AGBL4: variants seen among roughly 807,000 people sequenced by gnomAD.
AGBL4 encodes the protein cytosolic carboxypeptidase 6.
In AGBL4, 58 loss-of-function variants were observed where a neutral mutation model predicts 66.4. The ratio of observed to expected loss-of-function variants is 0.87; its 90% confidence interval spans 0.71 to 1.09. AGBL4 has a LOEUF of 1.09. AGBL4 is among the 50% of genes least tolerant of loss of function. The probability of loss-of-function intolerance (pLI) is 0.00; values close to 1 mark genes in which losing one functional copy is unlikely to be tolerated. For missense variants in AGBL4, 579 were observed against 631.0 expected (o/e 0.92, Z 0.88); for synonymous variants, 234 against 222.9 (o/e 1.05, Z -0.44).
rs1553192294 is a variant in AGBL4 at position 48,591,094 on chromosome 1, C to CA, written c.952-110_952-109insT. The CA allele has an allele frequency of 7.0e-5, 53 of 752,346 alleles. 1 individual carries two copies. Among genetic ancestry groups the CA allele is most frequent in the Non-Finnish European group, 1.0e-4 (51 of 498,526 alleles). The allele number at this position is 752,346 out of a possible 1,614,324, so 46.6% of individuals were successfully genotyped here. On this transcript the variant is annotated intron_variant, in intron 9 of 13. Transcript: ENST00000371839. ...ACCCCCCACACACACCCACCCACCCCCCCCCACACACACACACACATCAAG... is the reference window on the plus strand; with the variant it reads ...ACCCCCCACACACACCCACCCACCCCACCCCCACACACACACACACATCAAG...
At chr1:49,415,206 T>C (rs1412611022) in intron 3 of AGBL4, among the ~76,000 whole-genome samples, 1 of 152,152 alleles carries the variant, frequency 6.6e-6, no homozygotes, top group Non-Finnish European at 1.5e-5. Context: ...GACACTATGC[T>C]GATTAGAATT....
intron 1 of AGBL4, among the ~76,000 whole-genome samples, chr1:50,003,007 A>T (rs762759143): frequency 2.4e-4 from 37 of 152,362 alleles, no homozygotes; most frequent in Middle Eastern, 3.4e-3. Flanking sequence ...GGCCAAAGGA[A>T]GCTAACGTGG....
intron 9 of AGBL4, among the ~76,000 whole-genome samples, chr1:48,597,192 T>TA (rs1397827499): frequency 6.6e-6 from 1 of 151,928 alleles, no homozygotes; most frequent in Non-Finnish European, 1.5e-5. Flanking sequence ...CTCACAGATT[T>TA]AAAAAAAATA....
intron 1 of AGBL4, among the ~76,000 whole-genome samples, chr1:50,012,132 A>G (rs987525170): frequency 1.3e-5 from 2 of 150,748 alleles, no homozygotes; most frequent in Admixed American, 6.6e-5. Context: ...GCAGTCCGCA[A>G]TCCGGCCTGG....
intron 4 of AGBL4, among the ~76,000 whole-genome samples, chr1:49,104,498 T>G (rs1645258580): frequency 6.6e-6 from 1 of 152,216 alleles, no homozygotes; most frequent in East Asian, 1.9e-4. Flanking sequence ...CATTTAATAT[T>G]GACACTAACT....
chr1:49,678,425 T>C (rs1195030541), intron 3 of AGBL4, among the ~76,000 whole-genome samples: 1 of 152,172 alleles, frequency 6.6e-6, no homozygotes, highest in Non-Finnish European at 1.5e-5. Flanking sequence ...TTTGCTAGAT[T>C]GATTTTCTCT....
intron 1 of AGBL4, among the ~76,000 whole-genome samples, chr1:49,872,576 A>G (rs1242641959): frequency 1.3e-5 from 2 of 152,098 alleles, no homozygotes; most frequent in Admixed American, 6.6e-5. Flanking sequence ...AATGCACCCA[A>G]TTCACACAGG....
chr1:49,528,353 A>T (rs1650834648), intron 3 of AGBL4, among the ~76,000 whole-genome samples: 1 of 152,052 alleles, frequency 6.6e-6, no homozygotes. Flanking sequence ...GATTTCTGCC[A>T]CTTACAAGCA....
intron 4 of AGBL4, among the ~76,000 whole-genome samples, chr1:49,102,049 G>C (rs1396867079): frequency 6.6e-6 from 1 of 151,906 alleles, no homozygotes; most frequent in Non-Finnish European, 1.5e-5. Context: ...GAGAGAGAGA[G>C]ACAGAGAAGG....
intron 5 of AGBL4, among the ~76,000 whole-genome samples, chr1:48,986,333 A>G (rs1660172796): frequency 6.6e-6 from 1 of 152,084 alleles, no homozygotes; most frequent in African/African-American, 2.4e-5. Flanking sequence ...CCCAAGCACA[A>G]AAAACATGAA....
intron 8 of AGBL4, among the ~76,000 whole-genome samples, chr1:48,652,608 G>A (rs1435897192): frequency 6.6e-6 from 1 of 152,174 alleles, no homozygotes; most frequent in Non-Finnish European, 1.5e-5. Context: ...GTATAATTTG[G>A]ATGGCGAAGT....
At chr1:48,972,942 G>T (rs1261467425) in intron 5 of AGBL4, among the ~76,000 whole-genome samples, 1 of 152,072 alleles carries the variant, frequency 6.6e-6, no homozygotes, top group African/African-American at 2.4e-5. Context: ...TTTTGATGTA[G>T]GTATTACCAG....
chr1:49,431,987 A>C (rs1442917849), intron 3 of AGBL4, among the ~76,000 whole-genome samples: 1 of 152,024 alleles, frequency 6.6e-6, no homozygotes, highest in Non-Finnish European at 1.5e-5. Flanking sequence ...CCCACCAATA[A>C]TTTTTCCTAG....
intron 1 of AGBL4, among the ~76,000 whole-genome samples, chr1:50,022,834 A>C (rs948971941): frequency 6.6e-6 from 1 of 152,166 alleles, no homozygotes; most frequent in Non-Finnish European, 1.5e-5. Flanking sequence ...TTCAGTGGTC[A>C]GCCTCATTTA....
chr1:49,202,663 G>T (rs1647803834), intron 4 of AGBL4, among the ~76,000 whole-genome samples: 1 of 152,040 alleles, frequency 6.6e-6, no homozygotes, highest in South Asian at 2.1e-4. Flanking sequence ...AAAACTCATA[G>T]AAGAATCAGT....
At chr1:48,626,716 C>A (rs547971307) in intron 9 of AGBL4, among the ~76,000 whole-genome samples, 14 of 152,304 alleles carry the variant, frequency 9.2e-5, no homozygotes, top group African/African-American at 3.4e-4. Flanking sequence ...ACTTCATATT[C>A]CCAACCCCAT....
intron 1 of AGBL4, among the ~76,000 whole-genome samples, chr1:49,903,344 C>A (rs562347711): frequency 7.2e-5 from 11 of 152,066 alleles, no homozygotes; most frequent in Non-Finnish European, 1.6e-4. Flanking sequence ...GACACCAGAG[C>A]CCACTTGAGG....
chr1:49,680,978 T>A (rs760578763), intron 3 of AGBL4, among the ~76,000 whole-genome samples: 1 of 152,120 alleles, frequency 6.6e-6, no homozygotes, highest in Admixed American at 6.6e-5. Context: ...CACTGACACT[T>A]TCCTTTGTCC....
intron 5 of AGBL4, among the ~76,000 whole-genome samples, chr1:48,883,453 G>A (rs958240992): frequency 9.9e-5 from 15 of 152,130 alleles, no homozygotes; most frequent in African/African-American, 3.4e-4. Flanking sequence ...TTTATAGACT[G>A]AAGTAATTAT....
Sources: allele counts gnomAD v4.1 joint callset (sites outside exome capture counted in the v4.1 genomes callset), GRCh38; gene constraint gnomAD v4.1.1; transcripts MANE v1.5; gene names NCBI Gene and HGNC (gene_info 2026-07-23, HGNC 2026-07-21).